VPS37A: variants seen among roughly 807,000 people sequenced by gnomAD.
VPS37A encodes the protein vacuolar protein sorting-associated protein 37A.
Under a neutral mutation model 49.8 loss-of-function variants are expected in VPS37A, and 30 were observed. The ratio of observed to expected loss-of-function variants is 0.60; its 90% CI spans 0.45 to 0.82. VPS37A has a LOEUF of 0.82. Among genes scored for constraint, VPS37A ranks in the 40% least tolerant of loss-of-function variants. VPS37A has a pLI of 0.00. For missense variants in VPS37A, 593 were observed against 464.4 expected (o/e 1.28, Z -2.55); for synonymous variants, 195 against 160.6 (o/e 1.21, Z -1.62).
chr8:17,265,635 A>T, intron 1 of VPS37A: 1 of 635,900 alleles, frequency 1.6e-6, no homozygotes, highest in South Asian at 1.7e-5. Flanking sequence ...AGTGATAGTA[A>T]AACAGTGTAG....
chr8:17,288,517 A>G (rs1289929867), intron 11 of VPS37A, among the ~76,000 whole-genome samples: 1 of 152,184 alleles, frequency 6.6e-6, no homozygotes, highest in Non-Finnish European at 1.5e-5. Flanking sequence ...GATGGTTTCC[A>G]GCTTCGTCTG....
At chr8:17,324,372 C>G in the VPS37A span, among the ~76,000 whole-genome samples, 2 of 152,198 alleles carry the variant, frequency 1.3e-5, no homozygotes, top group African/African-American at 4.8e-5. Context: ...TAGATGCACT[C>G]TCCATCTTCA....
At chr8:17,256,193 A>G (rs1295284980) in intron 1 of VPS37A, among the ~76,000 whole-genome samples, 3 of 149,188 alleles carry the variant, frequency 2.0e-5, no homozygotes, top group East Asian at 2.0e-4. Context: ...TTACATTCCC[A>G]CCAGCAGTAT....
chr8:17,286,417 C>T lies in VPS37A; in HGVS notation c.1184C>T (p.Ala395Val). The T allele has an allele frequency of 6.2e-7, 1 of 1,613,618 alleles. No homozygotes were observed. Among genetic ancestry groups the T allele is most frequent in the East Asian group, 2.2e-5 (1 of 44,830 alleles). ...ATAGCAATGCACAGCCAATTTCATG[C>T]TCCACTATAGGTAAATTGTATTTCA... ...QAIAMHSQFH[A>V]PL The change falls in exon 11 of 12, where the codon GCT (alanine) becomes GTT (valine). Residue 395 changes from alanine to valine, a missense_variant. Ala to Val is a moderately conservative substitution (Grantham distance 64). Transcript: ENST00000324849.
chr8:17,301,670 A>G (rs74979356), downstream of VPS37A: 103 of 155,740 alleles, frequency 6.6e-4, no homozygotes, highest in African/African-American at 2.4e-3. Flanking sequence ...TAGGAAAAGC[A>G]TTTTATTATA....
At chr8:17,302,177 C>G (rs1189491327), downstream of VPS37A, 1 of 1,614,130 alleles carries the variant, frequency 6.2e-7, no homozygotes, top group Non-Finnish European at 8.5e-7. Flanking sequence ...TCTAGTTCTT[C>G]CTCTAGCTGC....
At chr8:17,270,214 G>A (rs1020917893) in intron 4 of VPS37A, among the ~76,000 whole-genome samples, 2 of 152,110 alleles carry the variant, frequency 1.3e-5, no homozygotes, top group Non-Finnish European at 2.9e-5. Context: ...TTCAGTATGA[G>A]ATTTAAAGGG....
chr8:17,310,866 G>A, the VPS37A span, among the ~76,000 whole-genome samples: 2 of 152,036 alleles, frequency 1.3e-5, no homozygotes, highest in Non-Finnish European at 2.9e-5. Flanking sequence ...TTCATTTTAA[G>A]GAACTTATAC....
chr8:17,286,629 G>T, intron 11 of VPS37A: 1 of 478,934 alleles, frequency 2.1e-6, no homozygotes, highest in Non-Finnish European at 3.6e-6. Flanking sequence ...GATATTTTCT[G>T]TGATCTTGGC....
At chr8:17,311,009 C>A in the VPS37A span, among the ~76,000 whole-genome samples, 7 of 152,270 alleles carry the variant, frequency 4.6e-5, no homozygotes, top group East Asian at 1.2e-3. Context: ...CAAAGAACAA[C>A]AACAAAAGGC....
At chr8:17,329,211 T>C in the VPS37A span, among the ~76,000 whole-genome samples, 1 of 152,176 alleles carries the variant, frequency 6.6e-6, no homozygotes, top group Non-Finnish European at 1.5e-5. Flanking sequence ...GATAGCTGTT[T>C]GAAGGAGGAA....
the VPS37A span, chr8:17,326,210 T>C: frequency 3.3e-5 from 5 of 152,114 alleles, no homozygotes; most frequent in Admixed American, 2.0e-4. Flanking sequence ...TCACAGTAAG[T>C]AGGTAAAAAT....
chr8:17,322,780 G>A, the VPS37A span, among the ~76,000 whole-genome samples: 7 of 152,172 alleles, frequency 4.6e-5, no homozygotes, highest in South Asian at 1.5e-3. Flanking sequence ...AGCTACAGTT[G>A]CATCACTGCA....
chr8:17,319,063 T>C, the VPS37A span, among the ~76,000 whole-genome samples: 1,465 of 152,328 alleles, frequency 9.6e-3, 22 homozygotes, highest in East Asian at 0.04. Context: ...TTGTTTAACT[T>C]AGATTTTAGT....
intron 10 of VPS37A, among the ~76,000 whole-genome samples, chr8:17,285,926 T>A (rs965632677): frequency 2.6e-5 from 4 of 152,246 alleles, no homozygotes; most frequent in African/African-American, 9.6e-5. Context: ...TTTTTTTGGT[T>A]GTTAAATTCT....
chr8:17,309,295 C>T, the VPS37A span: 2 of 1,562,018 alleles, frequency 1.3e-6, no homozygotes, highest in Non-Finnish European at 8.8e-7. Flanking sequence ...AAACTTATGA[C>T]CAAAGGAAAT....
At chr8:17,303,664 C>T (rs1262932981), downstream of VPS37A, among the ~76,000 whole-genome samples, 4 of 150,140 alleles carry the variant, frequency 2.7e-5, no homozygotes, top group South Asian at 8.4e-4. Context: ...GGCTGGAGTG[C>T]AATGGCACGA....
chr8:17,254,497 T>C (rs1812255366), intron 1 of VPS37A, among the ~76,000 whole-genome samples: 1 of 152,212 alleles, frequency 6.6e-6, no homozygotes, highest in African/African-American at 2.4e-5. Context: ...GCTCCTGACC[T>C]GCCTTCTTCC....
chr8:17,247,728 G>C, intron 1 of VPS37A: 1 of 702,644 alleles, frequency 1.4e-6, no homozygotes, highest in Non-Finnish European at 2.6e-6. Context: ...TGCCGCGTCA[G>C]CAGAATTGTT....
Sources: gnomAD v4.1 joint callset for allele counts (sites outside exome capture counted in the v4.1 genomes callset) on GRCh38, gnomAD v4.1.1 for gene constraint, MANE v1.5 for transcripts, NCBI Gene and HGNC (gene_info 2026-07-23, HGNC 2026-07-21) for gene names.